The following RPRD1A variants were observed in gnomAD, a reference collection of about 807,000 sequenced individuals.
RPRD1A encodes regulation of nuclear pre-mRNA domain containing 1A, also known as regulation of nuclear pre-mRNA domain-containing protein 1A.
A neutral mutation model predicts 37.8 loss-of-function variants in RPRD1A; 9 were observed. That is an observed-to-expected ratio of 0.24 (90% CI 0.14 to 0.42). RPRD1A has a LOEUF of 0.42. Ranked by LOEUF, RPRD1A falls within the 10% of genes least tolerant of loss-of-function variation. The pLI is 1.00. For missense variants in RPRD1A, 255 were observed against 371.0 expected (o/e 0.69, Z 2.57); for synonymous variants, 138 against 139.7 (o/e 0.99, Z 0.08).
intron 2 of RPRD1A, among the ~76,000 whole-genome samples, chr18:36,032,465 G>A (rs965478537): frequency 1.3e-5 from 2 of 152,280 alleles, no homozygotes; most frequent in African/African-American, 4.8e-5. Flanking sequence ...GCAGTGCCAC[G>A]AAGGAACACC....
chr18:36,061,338 A>T (rs1433084751), intron 1 of RPRD1A, among the ~76,000 whole-genome samples: 1 of 152,210 alleles, frequency 6.6e-6, no homozygotes, highest in Non-Finnish European at 1.5e-5. Flanking sequence ...GGGTGAGTAA[A>T]CATACTTTAA....
chr18:36,025,539 A>C (rs766855788), intron 6 of RPRD1A: 11 of 795,290 alleles, frequency 1.4e-5, no homozygotes, highest in African/African-American at 3.7e-5. Flanking sequence ...AGAAAGTATA[A>C]AGCAGAATAA....
In RPRD1A at chr18:35,990,795, T is replaced by G. The variant is rs539119202; in HGVS notation, c.*2356A>C. On this transcript the variant is annotated 3_prime_UTR_variant, in exon 7 of 7. Transcript: ENST00000399022. ...AATCCCATTTCTTGAGAAAATGAAG[T>G]CTTCCTTTTAGGAAGAATGTTTGCT... 1 of 152,278 alleles carries G rather than the reference T, an allele frequency of 6.6e-6. No individual in the cohort carries two copies. The highest frequency in any genetic ancestry group is 1.5e-5 in the Non-Finnish European group (1 of 68,024). The allele number at this position is 152,278 out of a possible 1,614,324, so 9.4% of individuals were successfully genotyped here.
intron 1 of RPRD1A, among the ~76,000 whole-genome samples, chr18:36,052,196 G>C (rs1227829293): frequency 2.1e-5 from 3 of 143,786 alleles, no homozygotes; most frequent in Admixed American, 6.9e-5. Context: ...TTTATACTTA[G>C]CAAAACAATC....
At chr18:36,007,722 G>A (rs1254255605) in intron 6 of RPRD1A, among the ~76,000 whole-genome samples, 2 of 151,930 alleles carry the variant, frequency 1.3e-5, no homozygotes, top group Non-Finnish European at 2.9e-5. Flanking sequence ...GGCGGATCAC[G>A]AGGTCAAGAG....
chr18:36,040,678 A>T (rs1343194902), intron 1 of RPRD1A: 4 of 536,020 alleles, frequency 7.5e-6, no homozygotes, highest in African/African-American at 2.0e-5. Context: ...TAGAGTTGTG[A>T]TCACAGGAAT....
rs1911712889 is a variant in RPRD1A, at chr18:36,030,670, A to G, written c.486+138T>C. On this transcript the variant is annotated intron_variant, in intron 4 of 6. Coordinates refer to ENST00000399022, the MANE Select transcript of RPRD1A (RefSeq NM_018170.5). ...AACATAAGCAATTTGTTAATGAGGA[A>G]GAGATATTCATGTGGCTTCTTTCTT... 7 of 591,960 alleles carry G rather than the reference A, an allele frequency of 1.2e-5. No homozygotes were observed. In the East Asian group the frequency reaches 2.0e-4, roughly 17 times the overall value. The allele number at this position is 591,960 out of a possible 1,614,324, so 36.7% of individuals were successfully genotyped here.
At position 36,067,242 on chromosome 18, in the gene RPRD1A, C is replaced by T; in HGVS notation, c.151+12G>A. ...GGTGGTGGGAAGCGGCCGACATAAGCGGTTGACTCACCTTTCCGCAGCTCC... is the reference window on the plus strand; with the variant it reads ...GGTGGTGGGAAGCGGCCGACATAAGTGGTTGACTCACCTTTCCGCAGCTCC... On this transcript the variant is annotated intron_variant, in intron 1 of 6. Transcript: ENST00000399022. 3 of 1,572,592 alleles carry T rather than the reference C, an allele frequency of 1.9e-6. No homozygotes were observed. The highest frequency in any genetic ancestry group is 1.4e-5 in the African/African-American group (1 of 73,566).
chr18:36,046,321 A>T (rs796422881), intron 1 of RPRD1A, among the ~76,000 whole-genome samples: 2 of 151,426 alleles, frequency 1.3e-5, no homozygotes, highest in African/African-American at 4.9e-5. Flanking sequence ...ATAAAGAAAC[A>T]CTCCCCACTG....
At chr18:36,066,302 T>C (rs955907085) in intron 1 of RPRD1A, among the ~76,000 whole-genome samples, 2 of 152,236 alleles carry the variant, frequency 1.3e-5, no homozygotes, top group Admixed American at 6.5e-5. Flanking sequence ...ATACATCATA[T>C]AGCTTTCACA....
chr18:36,010,418 A>G (rs1910104721), intron 6 of RPRD1A, among the ~76,000 whole-genome samples: 1 of 152,196 alleles, frequency 6.6e-6, no homozygotes, highest in Non-Finnish European at 1.5e-5. Context: ...GCTTGAGCCC[A>G]GGAGCTCAAA....
chr18:36,056,697 T>C (rs1423530673), intron 1 of RPRD1A, among the ~76,000 whole-genome samples: 1 of 152,064 alleles, frequency 6.6e-6, no homozygotes, highest in Non-Finnish European at 1.5e-5. Flanking sequence ...TAAACCATTT[T>C]GTTAAAAAAA....
intron 1 of RPRD1A, among the ~76,000 whole-genome samples, chr18:36,066,531 T>G (rs1469827964): frequency 1.3e-5 from 2 of 152,262 alleles, no homozygotes; most frequent in Non-Finnish European, 2.9e-5. Flanking sequence ...TCTGCATACA[T>G]GAACTGATTC....
chr18:36,032,321 T>C (rs1477409413), intron 2 of RPRD1A, among the ~76,000 whole-genome samples: 2 of 152,156 alleles, frequency 1.3e-5, no homozygotes, highest in Non-Finnish European at 2.9e-5. Flanking sequence ...CCAATAAATA[T>C]TTTACTGAAT....
intron 4 of RPRD1A, among the ~76,000 whole-genome samples, chr18:36,030,027 C>T (rs1911659971): frequency 6.6e-6 from 1 of 151,000 alleles, no homozygotes; most frequent in South Asian, 2.1e-4. Flanking sequence ...AGGATGGTCT[C>T]GATCTCCTGA....
rs141298007 is a variant in RPRD1A at position 36,053,716 on chromosome 18, T to C, written c.151+13538A>G. The stretch of plus-strand genomic sequence containing the variant: ...ATTACTGGGTCATATAGTAATTCTA[T>C]GTTAACATGAGTAAGGAGGACAGCT... On this transcript the variant is annotated intron_variant, in intron 1 of 6. Coordinates refer to ENST00000399022, the MANE Select transcript of RPRD1A (RefSeq NM_018170.5). 2.6e-3 allele frequency among the ~76,000 whole-genome samples: 397 copies of C among 151,752 alleles called. 1 individual carries two copies. Among genetic ancestry groups the C allele is most frequent in the African/African-American group, 9.2e-3 (376 of 41,038 alleles).
chr18:36,008,094 C>T (rs1281396508), intron 6 of RPRD1A, among the ~76,000 whole-genome samples: 1 of 151,762 alleles, frequency 6.6e-6, no homozygotes, highest in Non-Finnish European at 1.5e-5. Context: ...CAAATCAAAA[C>T]AAAAAATAAC....
At chr18:35,999,590 T>C (rs1909294236) in intron 6 of RPRD1A, among the ~76,000 whole-genome samples, 1 of 152,208 alleles carries the variant, frequency 6.6e-6, no homozygotes, top group Admixed American at 6.5e-5. Context: ...TGGCTGCCTT[T>C]TTCTTGCAGA....
intron 4 of RPRD1A, among the ~76,000 whole-genome samples, chr18:36,029,451 A>G (rs1173497378): frequency 6.6e-6 from 1 of 152,164 alleles, no homozygotes; most frequent in Admixed American, 6.5e-5. Context: ...GCTCAGCAGG[A>G]GCCAGGTTTT....
Sources: allele counts gnomAD v4.1 joint callset (sites outside exome capture counted in the v4.1 genomes callset), GRCh38; gene constraint gnomAD v4.1.1; transcripts MANE v1.5; gene names NCBI Gene and HGNC (gene_info 2026-07-23, HGNC 2026-07-21).